Variants in DENND6B observed in about 807,000 individuals in gnomAD.
DENND6B encodes DENN domain containing 6B.
Under a neutral mutation model 85.1 loss-of-function variants are expected in DENND6B, and 73 were observed. The ratio of observed to expected loss-of-function variants is 0.86; its 90% CI spans 0.71 to 1.04. The LOEUF is 1.04. DENND6B is among the 50% of genes least tolerant of loss of function. The probability of loss-of-function intolerance (pLI) is 0.00; values close to 1 mark genes in which losing one functional copy is unlikely to be tolerated. For missense variants in DENND6B, 715 were observed against 785.8 expected, an observed-to-expected ratio of 0.91 and a Z score of 1.08; for synonymous variants, 357 against 329.3, an observed-to-expected ratio of 1.08 and a Z score of -0.91.
chr22:50,318,398 G>A (rs188608308), intron 3 of DENND6B, among the ~76,000 whole-genome samples: 181 of 152,216 alleles, frequency 1.2e-3, no homozygotes, highest in African/African-American at 3.9e-3. Context: ...TTTCCCAATG[G>A]GCTCCTATTC....
At chr22:50,326,719 T>G (rs2042198889) in intron 1 of DENND6B, 93 bp downstream of exon 1, 1 of 1,155,352 alleles carries the variant, frequency 8.7e-7, no homozygotes. Flanking sequence ...CCAGGGAGAG[T>G]GCGGGGCGGC....
intron 9 of DENND6B, 109 bp from the exon 10 acceptor site, chr22:50,315,030 G>T: frequency 6.8e-7 from 1 of 1,464,586 alleles, no homozygotes. Context: ...GGTGAACACA[G>T]CACGCTGCTC....
intron 8 of DENND6B, 69 bp downstream of exon 8, chr22:50,315,956 C>G: frequency 1.2e-6 from 2 of 1,607,796 alleles, no homozygotes; most frequent in Non-Finnish European, 1.7e-6. Flanking sequence ...TGGGACCACC[C>G]GGCCCAGGAG....
chr22:50,313,249 C>T lies in DENND6B; in HGVS notation c.1348-141G>A, dbSNP rs73439306. ...TGGCACAGATCCCAGGACAGCCTTT[C>T]CCAGGGAGCAGGCCCTGAGCCCCTC... On this transcript the variant is annotated intron_variant, in intron 16 of 19. Coordinates refer to ENST00000413817, the MANE Select transcript of DENND6B (RefSeq NM_001001794.4). 0.025 allele frequency: 28,562 copies of T among 1,158,124 alleles called. 2,200 individuals carry two copies. In the African/African-American group the frequency reaches 0.25, roughly 10 times the overall value. The allele number at this position is 1,158,124 out of a possible 1,614,324, so 71.7% of individuals were successfully genotyped here.
At chr22:50,317,168 G>T in intron 5 of DENND6B, 125 bp downstream of exon 5, 1 of 990,366 alleles carries the variant, frequency 1.0e-6, no homozygotes, top group Non-Finnish European at 1.5e-6. Flanking sequence ...CACAGCCCAG[G>T]TGGGGCTGCA....
intron 16 of DENND6B, 146 bp downstream of exon 16, chr22:50,313,300 T>C: frequency 2.4e-6 from 3 of 1,241,954 alleles, no homozygotes; most frequent in Non-Finnish European, 3.3e-6. Flanking sequence ...CCACCTGCCC[T>C]GTGGCCCCCA....
At position 50,322,453 on chromosome 22, in the gene DENND6B, T is replaced by A. The variant is rs551451574; in HGVS notation, c.178-3450A>T. 2.6e-5 allele frequency among the ~76,000 whole-genome samples: 4 copies of A among 152,098 alleles called. 1 individual carries two copies. The highest frequency in any genetic ancestry group is 9.6e-5 in the African/African-American group (4 of 41,478). On this transcript the variant is annotated intron_variant, in intron 1 of 19. Transcript: ENST00000413817. ...GCCTGGGAGGGCATGGCTGCCAGAG[T>A]GAAAGTGGTATTCTAACTGACCAGA... is the stretch of plus-strand genomic sequence containing the variant.
At chr22:50,315,614 G>GCA (rs1601813711) in intron 9 of DENND6B, 100 bp downstream of exon 9, 4 of 1,341,844 alleles carry the variant, frequency 3.0e-6, no homozygotes, top group Admixed American at 2.5e-5. Flanking sequence ...AGACACACAC[G>GCA]CACACACATA....
rs757973302 is a variant in DENND6B at position 50,314,418 on chromosome 22, C to G, written c.1054G>C (p.Gly352Arg). 1 of 1,564,812 alleles carries G rather than the reference C, an allele frequency of 6.4e-7. No individual in the cohort carries two copies. Among genetic ancestry groups the G allele is most frequent in the Non-Finnish European group, 8.7e-7 (1 of 1,154,312 alleles). ...GCCTGACCTGACATCTTGGGCTCCCCGACTCGGAGGATGTGGGGCCAGTGC... is the reference window on the plus strand; with the variant it reads ...GCCTGACCTGACATCTTGGGCTCCCGGACTCGGAGGATGTGGGGCCAGTGC... ...LQHWPHILRVGEPKMSGDLPK... is the reference protein window; with the variant it reads ...LQHWPHILRVREPKMSGDLPK... Residue 352 changes from glycine to arginine, a missense_variant, in exon 12 of 20, where the codon GGG becomes CGG. Transcript: ENST00000413817.
chr22:50,315,114 G>A (rs908019098), intron 9 of DENND6B, 193 bp from the exon 10 acceptor site: 121 of 821,798 alleles, frequency 1.5e-4, no homozygotes, highest in African/African-American at 9.7e-4. Flanking sequence ...CAATCCACCT[G>A]TGCTGGGCCT....
intron 1 of DENND6B, among the ~76,000 whole-genome samples, chr22:50,320,210 T>C (rs1288473897): frequency 6.6e-6 from 1 of 152,234 alleles, no homozygotes; most frequent in East Asian, 1.9e-4. Context: ...GGGCCCTGGA[T>C]GAAAGCATCT....
intron 19 of DENND6B, 33 bp from the exon 20 acceptor site, chr22:50,312,294 G>A (rs1401705213): frequency 6.2e-7 from 1 of 1,611,354 alleles, no homozygotes; most frequent in Non-Finnish European, 8.5e-7. Context: ...GGCAGGCGCA[G>A]CTCCGTGCCA....
At chr22:50,315,414 A>G (rs1489487335) in intron 9 of DENND6B, among the ~76,000 whole-genome samples, 1 of 152,166 alleles carries the variant, frequency 6.6e-6, no homozygotes, top group Admixed American at 6.5e-5. Context: ...TGTCTTTCAG[A>G]ACCTCCTGCC....
chr22:50,313,891 C>T lies in DENND6B; in HGVS notation c.1139-13G>A, dbSNP rs1292578917. On this transcript the variant is annotated splice_polypyrimidine_tract_variant and intron_variant, in intron 13 of 19. Transcript: ENST00000413817. Reference sequence around the variant, plus strand: ...GCGGTGTAGAGGCCTGGCGGGAGGGCACAGCTGGCGCCCCACCCTTCAAGG... The same window carrying T: ...GCGGTGTAGAGGCCTGGCGGGAGGGTACAGCTGGCGCCCCACCCTTCAAGG... The T allele has an allele frequency of 5.0e-6, 8 of 1,603,154 alleles. No individual in the cohort carries two copies. The highest frequency in any genetic ancestry group is 6.8e-6 in the Non-Finnish European group (8 of 1,176,744).
Position 50,313,127 on chromosome 22 carries a change from G to A in DENND6B, c.1348-19C>T, listed in dbSNP as rs771141090. The A allele has an allele frequency of 1.5e-5, 23 of 1,548,792 alleles. No individual in the cohort carries two copies. Among genetic ancestry groups the A allele is most frequent in the Non-Finnish European group, 1.8e-5 (21 of 1,145,440 alleles). On this transcript the variant is annotated intron_variant, in intron 16 of 19. Coordinates refer to ENST00000413817, the MANE Select transcript of DENND6B (RefSeq NM_001001794.4). Reference sequence around the variant, plus strand: ...GGGGAGTCTGAGAGGGGATGGGTGAGCCAGCACGTGGGAACTCGGCCTCAC... The same window carrying A: ...GGGGAGTCTGAGAGGGGATGGGTGAACCAGCACGTGGGAACTCGGCCTCAC...
At chr22:50,325,541 T>G (rs938356888) in intron 1 of DENND6B, among the ~76,000 whole-genome samples, 1 of 152,096 alleles carries the variant, frequency 6.6e-6, no homozygotes, top group Non-Finnish European at 1.5e-5. Context: ...TTCACCATGT[T>G]GGCCAGGATG....
At chr22:50,320,932 C>G (rs1422266788) in intron 1 of DENND6B, among the ~76,000 whole-genome samples, 2 of 152,200 alleles carry the variant, frequency 1.3e-5, no homozygotes, top group African/African-American at 2.4e-5. Flanking sequence ...CAGGTACAGC[C>G]TGAAGTTGAG....
rs2068057410 is a variant in DENND6B, at chr22:50,311,316, T to A, written c.*823A>T. On this transcript the variant is annotated 3_prime_UTR_variant, in exon 20 of 20. Coordinates refer to ENST00000413817, the MANE Select transcript of DENND6B (RefSeq NM_001001794.4). ...ACCCCTTACCAAGGAAAGGGAGACA[T>A]GCAGGCTCCAGCCAGAGGCAGGGTC... The A allele has an allele frequency of 6.6e-6, 1 of 152,200 alleles. No individual in the cohort carries two copies. Among genetic ancestry groups the A allele is most frequent in the African/African-American group, 2.4e-5 (1 of 41,416 alleles). 9.4% of individuals were successfully genotyped at this position (152,200 alleles called of 1,614,324 possible). A position where few individuals can be genotyped will look rare whatever the true frequency, so the allele number is the denominator to read the frequency against.
intron 5 of DENND6B, chr22:50,316,796 T>A: frequency 1.8e-5 from 22 of 1,256,116 alleles, no homozygotes; most frequent in Non-Finnish European, 2.3e-5. Context: ...GCCTATGGCT[T>A]CCAGGCTGGG....
Sources: allele counts gnomAD v4.1 joint callset (sites outside exome capture counted in the v4.1 genomes callset), GRCh38; gene constraint gnomAD v4.1.1; transcripts MANE v1.5; gene names NCBI Gene and HGNC (gene_info 2026-07-23, HGNC 2026-07-21).